The following BRDT variants were observed in gnomAD, a reference collection of about 807,000 sequenced individuals.
The protein encoded by BRDT is bromodomain testis-specific protein.
In BRDT, 77 loss-of-function variants were observed where a neutral mutation model predicts 113.9. That is an observed-to-expected ratio of 0.68 (90% CI 0.56 to 0.82). The LOEUF is 0.82. Ranked by LOEUF, BRDT falls within the 40% of genes least tolerant of loss-of-function variation. The pLI is 0.00. For missense variants in BRDT, 1,027 were observed against 1,105.4 expected (o/e 0.93, Z 1.01); for synonymous variants, 358 against 366.5 (o/e 0.98, Z 0.26).
chr1:91,976,192 T>C, intron 4 of BRDT, 74 bp from the exon 5 acceptor site: 2 of 1,390,888 alleles, frequency 1.4e-6, no homozygotes. Flanking sequence ...CTAAATGAAA[T>C]AGAAAATAAG....
intron 18 of BRDT, among the ~76,000 whole-genome samples, chr1:92,013,127 AGAATCACTT>A (rs1431383546): frequency 1.3e-4 from 19 of 150,720 alleles, no homozygotes; most frequent in African/African-American, 4.2e-4. Context: ...CTGAGGAAAG[AGAATCACTT>A]GAACCCAGGA....
intron 3 of BRDT, among the ~76,000 whole-genome samples, chr1:91,965,014 T>G (rs1682913380): frequency 6.6e-6 from 1 of 151,578 alleles, no homozygotes; most frequent in Non-Finnish European, 1.5e-5. Context: ...GTTCAAGTGA[T>G]TCTCCTGCCT....
chr1:91,962,038 G>T (rs374520309), intron 1 of BRDT, among the ~76,000 whole-genome samples: 2 of 149,196 alleles, frequency 1.3e-5, no homozygotes, highest in South Asian at 4.2e-4. Context: ...CCAGCTACTC[G>T]GGAGGCGGAG....
rs1282363854 is a variant in BRDT at position 91,976,404 on chromosome 1, C to T, written c.584C>T (p.Ala195Val). The part of the protein sequence containing the change: ...SISPLNVVQG[A>V]SVNSSSQTAA... Reference sequence around the variant, plus strand: ...TCTCCCTTGAACGTGGTACAGGGAGCTTCAGTCAACTCCAGTTCACAAACT... The same window carrying T: ...TCTCCCTTGAACGTGGTACAGGGAGTTTCAGTCAACTCCAGTTCACAAACT... Residue 195 changes from alanine to valine, a missense_variant, in exon 5 of 19, where the codon GCT becomes GTT. Coordinates refer to ENST00000399546, the MANE Select transcript of BRDT (RefSeq NM_207189.4). 1.3e-6 allele frequency: 2 copies of T among 1,598,724 alleles called. No individual in the cohort carries two copies. The highest frequency in any genetic ancestry group is 3.5e-5 in the Admixed American group (2 of 56,966).
chr1:91,954,331 G>A (rs1681489676), intron 1 of BRDT, among the ~76,000 whole-genome samples: 1 of 143,916 alleles, frequency 6.9e-6, no homozygotes, highest in African/African-American at 2.6e-5. Flanking sequence ...CTAGGCTGGA[G>A]TGCATTGGTG....
intron 15 of BRDT, among the ~76,000 whole-genome samples, chr1:91,997,858 A>G (rs1359632087): frequency 6.6e-5 from 10 of 152,246 alleles, no homozygotes; most frequent in Admixed American, 6.5e-4. Flanking sequence ...CATAAAATTT[A>G]TAGAGACATT....
chr1:91,981,337 T>C lies in BRDT; in HGVS notation c.1820T>C (p.Leu607Pro). ...QKKQELEKRL[L>P]DVNNQLNSRK... ...AAACAGGAATTGGAAAAGCGGTTAC[T>C]GGATGTTAATAATCAGTTAAATTCT... The change falls in exon 11 of 19, where the codon CTG becomes CCG. Residue 607 changes from leucine (L) to proline (P), a missense_variant. Leu to Pro is a moderately conservative substitution (Grantham distance 98). Coordinates refer to ENST00000399546, the MANE Select transcript of BRDT (RefSeq NM_207189.4). The C allele has an allele frequency of 8.7e-6, 14 of 1,614,146 alleles. No individual in the cohort carries two copies. Among genetic ancestry groups the C allele is most frequent in the Non-Finnish European group, 1.1e-5 (13 of 1,180,006 alleles).
intron 18 of BRDT, among the ~76,000 whole-genome samples, chr1:92,008,970 G>A (rs1687570738): frequency 6.6e-6 from 1 of 152,196 alleles, no homozygotes. Context: ...TTTGTGGTGA[G>A]AACACTTGAA....
At position 91,970,896 on chromosome 1, in the gene BRDT, G is replaced by T. The variant is rs1001476089; in HGVS notation, c.445+2636G>T. 1.6e-5 allele frequency among the ~76,000 whole-genome samples: 2 copies of T among 128,422 alleles called. 1 individual carries two copies. 84.2% of individuals were successfully genotyped at this position (128,422 alleles called of 152,430 possible). The stretch of plus-strand genomic sequence containing the variant: ...TGCAACAGAGCAACAGAGCGACAGA[G>T]CAAGACCCTTTCTCAAAAAAAAAAA... On this transcript the variant is annotated intron_variant, in intron 4 of 18. Coordinates refer to ENST00000399546, the MANE Select transcript of BRDT (RefSeq NM_207189.4).
chr1:91,954,596 T>C (rs576536722), intron 1 of BRDT, among the ~76,000 whole-genome samples: 2 of 152,244 alleles, frequency 1.3e-5, no homozygotes, highest in East Asian at 1.9e-4. Flanking sequence ...TCTAGAGATA[T>C]ATCCACAGGT....
At chr1:91,951,187 GTTGGGAAT>G in intron 1 of BRDT, among the ~76,000 whole-genome samples, 1 of 152,310 alleles carries the variant, frequency 6.6e-6, no homozygotes, top group Non-Finnish European at 1.5e-5. Context: ...CGCTGACCGT[GTTGGGAAT>G]TGGTGAAGTA....
chr1:91,949,738 A>C (rs761520256), intron 1 of BRDT, 56 bp downstream of exon 1: 7 of 152,242 alleles, frequency 4.6e-5, no homozygotes, highest in Non-Finnish European at 8.8e-5. Flanking sequence ...GTTGCCCCCA[A>C]GGGATCTTTT....
intron 12 of BRDT, among the ~76,000 whole-genome samples, chr1:91,985,111 T>C (rs1261546026): frequency 2.6e-5 from 4 of 152,166 alleles, no homozygotes; most frequent in African/African-American, 9.7e-5. Flanking sequence ...AGACGGAGTC[T>C]CACTCTGTCG....
In BRDT at chr1:91,979,706, T is replaced by C. The variant is rs1346544419; in HGVS notation, c.1236T>C (p.Ser412=). The change falls in exon 8 of 19, where the codon TCT becomes TCC. Residue 412 remains serine, a synonymous_variant. Transcript: ENST00000399546. ...TNEASSEGNS[S]DDSEDERVKR... is the part of the protein sequence containing the mutation. ...AAGCCTCCTCTGAAGGGAACTCTTC[T>C]GATGATTCTGAAGATGAGCGAGTTA... The C allele has an allele frequency of 5.6e-6, 9 of 1,613,218 alleles. No individual in the cohort carries two copies. The highest frequency in any genetic ancestry group is 6.8e-6 in the Non-Finnish European group (8 of 1,179,818).
chr1:92,000,718 A>G (rs930473094), intron 15 of BRDT, among the ~76,000 whole-genome samples: 1 of 152,200 alleles, frequency 6.6e-6, no homozygotes, highest in African/African-American at 2.4e-5. Context: ...TAGAACCTGT[A>G]GACTATGACT....
At chr1:91,993,652 T>C (rs572806712) in intron 14 of BRDT, among the ~76,000 whole-genome samples, 1 of 152,216 alleles carries the variant, frequency 6.6e-6, no homozygotes, top group Non-Finnish European at 1.5e-5. Flanking sequence ...TCCCCTTATG[T>C]CTGTAATACA....
intron 1 of BRDT, among the ~76,000 whole-genome samples, chr1:91,953,037 G>T (rs1279825752): frequency 3.9e-5 from 6 of 151,924 alleles, no homozygotes; most frequent in Non-Finnish European, 5.9e-5. Context: ...GTGCCGTGTT[G>T]GTGTGCTGCA....
chr1:91,981,233 G>T (rs756095499), intron 10 of BRDT, 35 bp from the exon 11 acceptor site: 1 of 1,610,384 alleles, frequency 6.2e-7, no homozygotes, highest in Non-Finnish European at 8.5e-7. Flanking sequence ...TTGGTTTTTG[G>T]TTATACTCAC....
chr1:91,994,169 C>G lies in BRDT; in HGVS notation c.2202C>G (p.His734Gln), dbSNP rs751850985. The G allele has an allele frequency of 1.9e-6, 3 of 1,613,240 alleles. No homozygotes were observed. The South Asian group carries it at 3.3e-5, about 18-fold the overall frequency. ...TTPSHVMPPN[H>Q]HQLAFNYQEL... is the part of the protein sequence containing the mutation. ...CTTCACATGTAATGCCACCAAATCA[C>G]CACCAATTAGCATTTAATTATCAAG... The change falls in exon 15 of 19, where the codon CAC becomes CAG. Residue 734 changes from histidine to glutamine, a missense_variant. By Grantham distance (24) the His-to-Gln change is conservative. Coordinates refer to ENST00000399546, the MANE Select transcript of BRDT (RefSeq NM_207189.4).
Sources: gnomAD v4.1 joint callset for allele counts (sites outside exome capture counted in the v4.1 genomes callset) on GRCh38, gnomAD v4.1.1 for gene constraint, MANE v1.5 for transcripts, NCBI Gene and HGNC (gene_info 2026-07-23, HGNC 2026-07-21) for gene names.